The following FXR1 variants were observed in gnomAD, a reference collection of about 807,000 sequenced individuals.
The protein encoded by FXR1 is FMR1 autosomal homolog 1, also known as RNA-binding protein FXR1.
In FXR1, 15 loss-of-function variants were observed where a neutral mutation model predicts 84.0. The observed-to-expected ratio is 0.18, with a 90% CI of 0.12 to 0.27. The LOEUF (loss-of-function observed/expected upper bound fraction) is 0.27. Ranked by LOEUF, FXR1 falls within the 10% of genes least tolerant of loss-of-function variation. FXR1 has a pLI of 1.00. For missense variants in FXR1, 480 were observed against 774.4 expected (o/e 0.62, Z 4.51); for synonymous variants, 245 against 250.7 (o/e 0.98, Z 0.21).
intron 10 of FXR1, among the ~76,000 whole-genome samples, chr3:180,960,593 G>A (rs1203305190): frequency 6.6e-6 from 1 of 152,012 alleles, no homozygotes; most frequent in East Asian, 1.9e-4. Flanking sequence ...AGCCTCCCAA[G>A]TAGCTGGGAC....
rs1193142051 is a variant in FXR1 at position 180,935,325 on chromosome 3, C to CGAAA, written c.198+94_198+95insGAAA. The stretch of plus-strand genomic sequence containing the variant: ...TTAGCTTAGTTGATGGAGGATAAAT[C>CGAAA]TAATTCATTTTCTCTATTCTTTCTA... On this transcript the variant is annotated intron_variant, in intron 3 of 16. Coordinates refer to ENST00000357559, the MANE Select transcript of FXR1 (RefSeq NM_005087.4). The CGAAA allele has an allele frequency of 1.2e-5, 8 of 642,424 alleles. No individual in the cohort carries two copies. In the African/African-American group the frequency reaches 1.5e-4, roughly 12 times the overall value. The allele number at this position is 642,424 out of a possible 1,614,324, so 39.8% of individuals were successfully genotyped here.
intron 3 of FXR1, among the ~76,000 whole-genome samples, chr3:180,939,670 T>C (rs984538844): frequency 9.9e-5 from 15 of 152,232 alleles, no homozygotes; most frequent in African/African-American, 3.4e-4. Flanking sequence ...ACTGTGTGAA[T>C]ACTTTATTAG....
chr3:180,944,623 C>G (rs927539678), intron 3 of FXR1, among the ~76,000 whole-genome samples: 10 of 152,094 alleles, frequency 6.6e-5, no homozygotes, highest in African/African-American at 2.4e-4. Flanking sequence ...CACTGTGCCC[C>G]CCATTATTAG....
chr3:180,926,506 A>ATATATTTTTTTTTTTTTT (rs72192827), intron 1 of FXR1, among the ~76,000 whole-genome samples: 1 of 124,380 alleles, frequency 8.0e-6, no homozygotes, highest in African/African-American at 2.9e-5. Flanking sequence ...ATATATATAT[A>ATATATTTTTTTTTTTTTT]TTTTTTTTTC....
In FXR1 at chr3:180,976,184, T is replaced by C; in HGVS notation, c.1758T>C (p.Ala586=). The C allele has an allele frequency of 6.2e-7, 1 of 1,613,294 alleles. No individual in the cohort carries two copies. The highest frequency in any genetic ancestry group is 8.5e-7 in the Non-Finnish European group (1 of 1,179,290). ...AGGCAATAAACGGCCCAACTAGTGC[T>C]TCTGGCGATGACATTTCTAAGCTAC... ...SEKAINGPTS[A]SGDDISKLQR... The change falls in exon 17 of 17, where the codon GCT becomes GCC. Residue 586 remains alanine, a synonymous_variant. Transcript: ENST00000357559.
chr3:180,951,707 C>G (rs939266718), intron 8 of FXR1, among the ~76,000 whole-genome samples: 1 of 152,076 alleles, frequency 6.6e-6, no homozygotes, highest in Non-Finnish European at 1.5e-5. Context: ...GTTTCTTAAC[C>G]GCTTCTGAGT....
chr3:180,933,252 A>T, intron 1 of FXR1, 82 bp from the exon 2 acceptor site: 1 of 799,394 alleles, frequency 1.3e-6, no homozygotes, highest in Admixed American at 2.2e-5. Flanking sequence ...AGTACTCCCT[A>T]TTATCTTTGA....
chr3:180,954,011 T>C, intron 9 of FXR1, 171 bp downstream of exon 9: 1 of 548,382 alleles, frequency 1.8e-6, no homozygotes, highest in Non-Finnish European at 3.2e-6. Flanking sequence ...TTGTGTAACT[T>C]GTTATTGTCA....
chr3:180,954,803 G>A (rs1032644780), intron 9 of FXR1, among the ~76,000 whole-genome samples: 7 of 150,562 alleles, frequency 4.6e-5, no homozygotes, highest in African/African-American at 1.2e-4. Flanking sequence ...GTTTAGCTAC[G>A]GACATTCTAT....
At position 180,946,643 on chromosome 3, in the gene FXR1, T is replaced by C. The variant is rs539845351; in HGVS notation, c.199-1222T>C. Among the ~76,000 whole-genome samples, 21 of 152,348 alleles carry C rather than the reference T, an allele frequency of 1.4e-4. No individual in the cohort carries two copies. The South Asian group carries it at 4.3e-3, about 32-fold the overall frequency. ...TTTTCTCATAGCTTTTTTCTAATCA[T>C]GGTATACGATAAAGTTCATTAGTAG... On this transcript the variant is annotated intron_variant, in intron 3 of 16. Transcript: ENST00000357559.
chr3:180,922,122 T>C (rs1244951949), intron 1 of FXR1, among the ~76,000 whole-genome samples: 16 of 152,208 alleles, frequency 1.1e-4, no homozygotes, highest in Non-Finnish European at 2.4e-4. Flanking sequence ...ACATACACTT[T>C]GTTTTCAGTT....
intron 1 of FXR1, among the ~76,000 whole-genome samples, chr3:180,927,426 C>G (rs1719358122): frequency 6.6e-6 from 1 of 152,030 alleles, no homozygotes; most frequent in Non-Finnish European, 1.5e-5. Flanking sequence ...CAGCCAGGGT[C>G]CATAATACAT....
chr3:180,953,465 CAGCAGCTGTGTA>C (rs766781987), intron 8 of FXR1, among the ~76,000 whole-genome samples: 1 of 152,098 alleles, frequency 6.6e-6, no homozygotes, highest in Non-Finnish European at 1.5e-5. Flanking sequence ...TTTGGCTGTT[CAGCAGCTGTGTA>C]ATTTAAACTC....
Position 180,980,803 on chromosome 3 carries a change from C to T in FXR1, c.*4511C>T, listed in dbSNP as rs982930817. On this transcript the variant is annotated 3_prime_UTR_variant, in exon 17 of 17. Coordinates refer to ENST00000357559, the MANE Select transcript of FXR1 (RefSeq NM_005087.4). ...TAGTTGGCTCTAAGCTGATAAACAGCACACTGTACAGCAGTCCAAAAACTA... is the reference window on the plus strand; with the variant it reads ...TAGTTGGCTCTAAGCTGATAAACAGTACACTGTACAGCAGTCCAAAAACTA... 2.6e-5 allele frequency: 4 copies of T among 151,952 alleles called. No homozygotes were observed. The highest frequency in any genetic ancestry group is 4.8e-5 in the African/African-American group (2 of 41,394). The allele number at this position is 151,952 out of a possible 1,614,324, so 9.4% of individuals were successfully genotyped here.
At chr3:180,919,648 AAATT>A (rs1220088815) in intron 1 of FXR1, among the ~76,000 whole-genome samples, 1 of 151,354 alleles carries the variant, frequency 6.6e-6, no homozygotes, top group Non-Finnish European at 1.5e-5. Context: ...AATAATATTG[AAATT>A]AATATTATCT....
At chr3:180,940,571 T>G (rs922555273) in intron 3 of FXR1, among the ~76,000 whole-genome samples, 2 of 144,830 alleles carry the variant, frequency 1.4e-5, no homozygotes, top group African/African-American at 2.6e-5. Flanking sequence ...TTAGTTTTTG[T>G]TTTTTTCTGT....
chr3:180,962,585 T>G (rs1712257043), intron 11 of FXR1, among the ~76,000 whole-genome samples: 1 of 152,246 alleles, frequency 6.6e-6, no homozygotes, highest in South Asian at 2.1e-4. Flanking sequence ...GTTAGCTATT[T>G]AATAAATAAC....
intron 1 of FXR1, among the ~76,000 whole-genome samples, chr3:180,926,650 C>A (rs1008787005): frequency 6.6e-6 from 1 of 151,628 alleles, no homozygotes. Flanking sequence ...TCTGGACTTG[C>A]ATTTTAAAAC....
At chr3:180,952,730 G>A (rs933089616) in intron 8 of FXR1, among the ~76,000 whole-genome samples, 3 of 151,704 alleles carry the variant, frequency 2.0e-5, no homozygotes, top group African/African-American at 7.3e-5. Flanking sequence ...TTAAGGATTA[G>A]ATGCATTGTA....
Sources: allele counts gnomAD v4.1 joint callset (sites outside exome capture counted in the v4.1 genomes callset), GRCh38; gene constraint gnomAD v4.1.1; transcripts MANE v1.5; gene names NCBI Gene and HGNC (gene_info 2026-07-23, HGNC 2026-07-21).